The following ABCA3 variants were observed in gnomAD, a reference collection of about 807,000 sequenced individuals.
ABCA3 encodes the protein phospholipid-transporting ATPase ABCA3.
Under a neutral mutation model 172.8 loss-of-function variants are expected in ABCA3, and 88 were observed. The observed-to-expected ratio is 0.51, with a 90% CI of 0.43 to 0.61. The LOEUF is 0.61. ABCA3 is among the 20% of genes least tolerant of loss of function. The probability of loss-of-function intolerance (pLI) is 0.00; values close to 1 mark genes in which losing one functional copy is unlikely to be tolerated. For synonymous variants in ABCA3, 1,066 were observed against 983.8 expected (o/e 1.08, Z -1.56); for missense variants, 2,164 against 2,301.0 (o/e 0.94, Z 1.22).
chr16:2,308,569 T>G lies in ABCA3; in HGVS notation c.1166A>C (p.Tyr389Ser), dbSNP rs1260705899. ...GFLYFFTYIP[Y>S]FFVAPRYNWM... ...GTTGTACCGAGGGGCCACGAAGAAG[T>G]AGGGGATGTAGGTGAAGAAGTAGAG... The change falls in exon 11 of 33, where the codon TAC becomes TCC. Residue 389 changes from tyrosine (Y) to serine (S), a missense_variant. Tyr to Ser is a moderately radical substitution (Grantham distance 144, BLOSUM62 -2). Transcript: ENST00000301732. 6.2e-7 allele frequency: 1 copy of G among 1,614,060 alleles called. No individual in the cohort carries two copies. The highest frequency in any genetic ancestry group is 1.7e-5 in the Admixed American group (1 of 60,010).
At chr16:2,318,911 C>T (rs1377463366) in intron 8 of ABCA3, among the ~76,000 whole-genome samples, 3 of 152,044 alleles carry the variant, frequency 2.0e-5, no homozygotes, top group African/African-American at 4.8e-5. Flanking sequence ...AACCGTTTCA[C>T]GTTTTGCCCT....
chr16:2,339,979 C>G (rs1046130092), intron 1 of ABCA3, among the ~76,000 whole-genome samples: 1 of 152,264 alleles, frequency 6.6e-6, no homozygotes, highest in African/African-American at 2.4e-5. Flanking sequence ...AGCGGCTCCC[C>G]TTTCCCGTTC....
chr16:2,283,883 A>T lies in ABCA3; in HGVS notation c.3862+396T>A, dbSNP rs2093658771. On this transcript the variant is annotated intron_variant, in intron 25 of 32. Coordinates refer to ENST00000301732, the MANE Select transcript of ABCA3 (RefSeq NM_001089.3). The surrounding 1 kb of genome is among the most constrained non-coding windows in gnomAD (Gnocchi z 5.4). The stretch of plus-strand genomic sequence containing the variant: ...AATGCAGAAGGAGATTTGAGACAGG[A>T]GACAGGAGCTGCCATGCGAGGATGG... 1 of 245,844 alleles carries T rather than the reference A, an allele frequency of 4.1e-6. No individual in the cohort carries two copies. The highest frequency in any genetic ancestry group is 2.2e-5 in the African/African-American group (1 of 44,750). The allele number at this position is 245,844 out of a possible 1,614,324, so 15.2% of individuals were successfully genotyped here.
chr16:2,318,782 G>C (rs2093720799), intron 8 of ABCA3, among the ~76,000 whole-genome samples: 1 of 152,028 alleles, frequency 6.6e-6, no homozygotes, highest in African/African-American at 2.4e-5. Flanking sequence ...CAAGGTGCTG[G>C]GATTACAGGT....
In ABCA3 at chr16:2,277,780, T is replaced by C. The variant is rs1266346941; in HGVS notation, c.4909+99A>G. The C allele has an allele frequency of 4.4e-6, 7 of 1,591,746 alleles. No individual in the cohort carries two copies. The highest frequency in any genetic ancestry group is 6.0e-6 in the Non-Finnish European group (7 of 1,168,112). ...GTCCCAGGGATTGGGGAGATGGGAC[T>C]TGGCGGGGCGAGGCACAGACGCTCC... On this transcript the variant is annotated intron_variant, in intron 31 of 32. Transcript: ENST00000301732. The surrounding 1 kb of genome is among the most constrained non-coding windows in gnomAD (Gnocchi z 5.3).
In ABCA3 at chr16:2,294,164, C is replaced by A. The variant is rs12926633; in HGVS notation, c.2414+1426G>T. On this transcript the variant is annotated intron_variant, in intron 18 of 32. Transcript: ENST00000301732. ...TCCTGAGTAGCTGGGATTACAGGCA[C>A]CCACCACCACGCCCGGCTAATTTTT... Among the ~76,000 whole-genome samples, 470 of 151,136 alleles carry A rather than the reference C, an allele frequency of 3.1e-3. 2 individuals carry two copies. Among genetic ancestry groups the A allele is most frequent in the Middle Eastern group, 6.8e-3 (2 of 294 alleles).
At position 2,297,015 on chromosome 16, in the gene ABCA3, G is replaced by C. The variant is rs766081975; in HGVS notation, c.2263+314C>G. 3.3e-5 allele frequency among the ~76,000 whole-genome samples: 5 copies of C among 152,200 alleles called. No homozygotes were observed. Among genetic ancestry groups the C allele is most frequent in the Non-Finnish European group, 7.3e-5 (5 of 68,042 alleles). On this transcript the variant is annotated intron_variant, in intron 17 of 32. Transcript: ENST00000301732. The surrounding 1 kb of genome is among the most constrained non-coding windows in gnomAD (Gnocchi z 5.6). ...CATGCTGTGAGCTGCTCTCACGTGG[G>C]AGCTGCCATGTTGGTGCGTGTGTTG...
chr16:2,278,504 G>T lies in ABCA3; in HGVS notation c.4548-46C>A. On this transcript the variant is annotated intron_variant, in intron 29 of 32. Transcript: ENST00000301732. This position sits in a 1 kb window ranked among gnomAD's most constrained non-coding sequence, Gnocchi z 4.4. ...GGTGGGGGAATAAGGCTGAGAGTTA[G>T]CATTGGCTCCCATGTCCCAGTGGAG... 1 of 1,601,562 alleles carries T rather than the reference G, an allele frequency of 6.2e-7. No individual in the cohort carries two copies.
chr16:2,332,475 C>G, intron 1 of ABCA3: 1 of 968,166 alleles, frequency 1.0e-6, no homozygotes, highest in Non-Finnish European at 1.6e-6. Flanking sequence ...GGTAATAGGC[C>G]ACCAGGGCTT....
intron 12 of ABCA3, 92 bp from the exon 13 acceptor site, chr16:2,300,240 C>A (rs1044660770): frequency 1.3e-5 from 20 of 1,571,248 alleles, no homozygotes; most frequent in Non-Finnish European, 1.6e-5. Context: ...AGCCATGCAG[C>A]CTCTGTCCCA....
At chr16:2,338,433 G>A (rs1040111950) in intron 1 of ABCA3, among the ~76,000 whole-genome samples, 1 of 152,174 alleles carries the variant, frequency 6.6e-6, no homozygotes, top group African/African-American at 2.4e-5. Context: ...GGGGCTCTTT[G>A]TCTTGGCTGC....
At position 2,332,648 on chromosome 16, in the gene ABCA3, C is replaced by T. The variant is rs954173503; in HGVS notation, c.-538-2794G>A. ...GGCTCAATCTTCTCCAGGGGCCGCC[C>T]GTTCACCTTGATGAGACCATTGCCG... On this transcript the variant is annotated intron_variant, in intron 1 of 32. Transcript: ENST00000301732. 5.0e-6 allele frequency: 8 copies of T among 1,602,588 alleles called. No individual in the cohort carries two copies. In the African/African-American group the frequency reaches 8.0e-5, roughly 16 times the overall value.
At chr16:2,307,016 CA>C (rs201661615) in intron 11 of ABCA3, among the ~76,000 whole-genome samples, 585 of 66,024 alleles carry the variant, frequency 8.9e-3, no homozygotes, top group African/African-American at 0.033. Flanking sequence ...GACTCCGTCT[CA>C]AAAAAAAAAA....
At chr16:2,334,164 G>T (rs1342318605) in intron 1 of ABCA3, among the ~76,000 whole-genome samples, 1 of 152,194 alleles carries the variant, frequency 6.6e-6, no homozygotes, top group Admixed American at 6.5e-5. Flanking sequence ...GTGATGGGGG[G>T]AGGTGACATG....
In ABCA3 at chr16:2,277,810, A is replaced by G; in HGVS notation, c.4909+69T>C. On this transcript the variant is annotated intron_variant, in intron 31 of 32. Coordinates refer to ENST00000301732, the MANE Select transcript of ABCA3 (RefSeq NM_001089.3). The surrounding 1 kb of genome is among the most constrained non-coding windows in gnomAD (Gnocchi z 5.3). ...GGGGCGAGGCACAGACGCTCCGCAC[A>G]GCAGATGGGAGAGGCCTAGGTAGGG... 6 of 1,599,914 alleles carry G rather than the reference A, an allele frequency of 3.8e-6. No individual in the cohort carries two copies. The highest frequency in any genetic ancestry group is 5.1e-6 in the Non-Finnish European group (6 of 1,174,284).
chr16:2,299,451 GCAGGACGGTGATCTGTCCCTCGTA>G lies in ABCA3; in HGVS notation c.1669_1692del (p.Tyr557_Leu564del). 1 of 1,613,904 alleles carries G rather than the reference GCAGGACGGTGATCTGTCCCTCGTA, an allele frequency of 6.2e-7. No individual in the cohort carries two copies. The highest frequency in any genetic ancestry group is 2.2e-5 in the East Asian group (1 of 44,870). ...GTCTTCCCGGCACCGTTGTGGCCCA[GCAGGACGGTGATCTGTCCCTCGTA>G]CAGGTTGAGGTTCAGGTCTCTGACG... On this transcript the variant is annotated inframe_deletion, in exon 14 of 33. Transcript: ENST00000301732.
At position 2,300,147 on chromosome 16, in the gene ABCA3, G is replaced by C; in HGVS notation, c.1469C>G (p.Pro490Arg). 6.2e-7 allele frequency: 1 copy of C among 1,613,364 alleles called. No individual in the cohort carries two copies. The highest frequency in any genetic ancestry group is 8.5e-7 in the Non-Finnish European group (1 of 1,179,928). Residue 490 changes from proline (P) to arginine (R), a missense_variant and splice_region_variant, in exon 13 of 33, where the codon CCC becomes CGC. Pro to Arg is a moderately radical substitution (Grantham distance 103). Transcript: ENST00000301732. Reference sequence around the variant, plus strand: ...CCTTGGCTTCCCACACCAATAGGAGGGCTGGGAGGGAAGCAGACAGCTGTC... The same window carrying C: ...CCTTGGCTTCCCACACCAATAGGAGCGCTGGGAGGGAAGCAGACAGCTGTC... The part of the protein sequence containing the change: ...VPQPWYFFIM[P>R]SYWCGKPRAV...
intron 7 of ABCA3, among the ~76,000 whole-genome samples, chr16:2,322,979 C>T (rs139143164): frequency 0.023 from 3,458 of 152,224 alleles, 151 homozygotes; most frequent in African/African-American, 0.079. Flanking sequence ...ACAACCCCAT[C>T]AAAAAGTGGG....
At chr16:2,314,548 C>T (rs1353450378) in intron 10 of ABCA3, among the ~76,000 whole-genome samples, 7 of 151,524 alleles carry the variant, frequency 4.6e-5, no homozygotes, top group Non-Finnish European at 7.4e-5. Flanking sequence ...GGGTGCACAA[C>T]GATGTGAATG....
Sources: allele counts gnomAD v4.1 joint callset (sites outside exome capture counted in the v4.1 genomes callset), GRCh38; gene constraint gnomAD v4.1.1; non-coding constraint Gnocchi (gnomAD v3.1); transcripts MANE v1.5; gene names NCBI Gene and HGNC (gene_info 2026-07-23, HGNC 2026-07-21).